The following TNFAIP8 variants were observed in gnomAD, a reference collection of about 807,000 sequenced individuals.
TNFAIP8 encodes tumor necrosis factor alpha-induced protein 8.
Under a neutral mutation model 13.3 loss-of-function variants are expected in TNFAIP8, and 7 were observed. The observed-to-expected ratio is 0.52, with a 90% CI of 0.30 to 0.99. The LOEUF is 0.99. Ranked by LOEUF, TNFAIP8 falls within the 50% of genes least tolerant of loss-of-function variation. The probability of loss-of-function intolerance (pLI) is 0.07; values close to 1 mark genes in which losing one functional copy is unlikely to be tolerated. For missense variants in TNFAIP8, 258 were observed against 236.9 expected (o/e 1.09, Z -0.58); for synonymous variants, 94 against 87.6 (o/e 1.07, Z -0.41).
At chr5:119,369,161 C>T (rs1227753618) in intron 1 of TNFAIP8, among the ~76,000 whole-genome samples, 1 of 149,520 alleles carries the variant, frequency 6.7e-6, no homozygotes, top group Non-Finnish European at 1.5e-5. Flanking sequence ...TCAAGTGATT[C>T]TCCTCCCTCA....
At chr5:119,371,714 C>T (rs1231447556) in intron 1 of TNFAIP8, among the ~76,000 whole-genome samples, 1 of 152,190 alleles carries the variant, frequency 6.6e-6, no homozygotes, top group Non-Finnish European at 1.5e-5. Flanking sequence ...ATACTTTCTG[C>T]CTTTTGTAGC....
chr5:119,352,716 CTTTGAACAGCTTTA>C (rs1474044280), upstream of TNFAIP8, among the ~76,000 whole-genome samples: 1 of 152,180 alleles, frequency 6.6e-6, no homozygotes, highest in Non-Finnish European at 1.5e-5. Flanking sequence ...AAAAAAAACT[CTTTGAACAGCTTTA>C]TTTAAGGCAT....
Position 119,336,795 on chromosome 5 carries a change from T to C in TNFAIP8, c.2-56021T>C, listed in dbSNP as rs368853207. On this transcript the variant is annotated intron_variant, in intron 1 of 1. Coordinates refer to the TNFAIP8 transcript ENST00000274456. ...CACCCTGAAAGTTGGTAAGACTGAA[T>C]ATTAAATGTTATTTAAAATGAATTT... Among the ~76,000 whole-genome samples, 5 of 152,244 alleles carry C rather than the reference T, an allele frequency of 3.3e-5. No homozygotes were observed. The East Asian group carries it at 5.8e-4, about 18-fold the overall frequency.
chr5:119,368,890 C>A (rs1437375775), intron 1 of TNFAIP8, among the ~76,000 whole-genome samples: 4 of 151,982 alleles, frequency 2.6e-5, no homozygotes, highest in Non-Finnish European at 5.9e-5. Flanking sequence ...TGGGAGCAGG[C>A]CTGAGTAGCC....
At chr5:119,368,876 A>G (rs547996690) in intron 1 of TNFAIP8, among the ~76,000 whole-genome samples, 2 of 152,166 alleles carry the variant, frequency 1.3e-5, no homozygotes, top group East Asian at 3.9e-4. Flanking sequence ...CTCTTCTTTC[A>G]TGATGGGAGC....
chr5:119,365,438 G>T lies in TNFAIP8; in HGVS notation c.31+9317G>T, dbSNP rs1330125148. Among the ~76,000 whole-genome samples, 3 of 152,300 alleles carry T rather than the reference G, an allele frequency of 2.0e-5. No individual in the cohort carries two copies. The East Asian group carries it at 5.8e-4, about 29-fold the overall frequency. ...AAATATGCTAGATGGCTTATTCCTT[G>T]TGAGAACCAATGAGATAATGTTAGT... On this transcript the variant is annotated intron_variant, in intron 1 of 1. Transcript: ENST00000504771.
intron 1 of TNFAIP8, among the ~76,000 whole-genome samples, chr5:119,291,077 C>T (rs973903031): frequency 6.6e-6 from 1 of 152,194 alleles, no homozygotes; most frequent in Non-Finnish European, 1.5e-5. Flanking sequence ...GTGCCCTTCT[C>T]GTTTGTTTCC....
chr5:119,374,711 C>T (rs764051298), intron 1 of TNFAIP8, among the ~76,000 whole-genome samples: 4 of 152,096 alleles, frequency 2.6e-5, no homozygotes, highest in South Asian at 4.1e-4. Context: ...CATATGCCTA[C>T]GGGAGCCAGG....
chr5:119,275,013 ATTTTT>A (rs5870846), intron 1 of TNFAIP8, among the ~76,000 whole-genome samples: 1 of 142,740 alleles, frequency 7.0e-6, no homozygotes, highest in Non-Finnish European at 1.5e-5. Context: ...TTTTTTTTTA[ATTTTT>A]TTTTTTTTTT....
chr5:119,342,377 G>A lies in TNFAIP8; in HGVS notation c.2-50439G>A, dbSNP rs923748776. On this transcript the variant is annotated intron_variant, in intron 1 of 1. Transcript: ENST00000274456. ...TATTCAGACCCATGTCAGAGTCCACGAAAATTCTTGCAAATGTGTTTTTGT... is the reference window on the plus strand; with the variant it reads ...TATTCAGACCCATGTCAGAGTCCACAAAAATTCTTGCAAATGTGTTTTTGT... 5.3e-5 allele frequency among the ~76,000 whole-genome samples: 8 copies of A among 152,178 alleles called. No homozygotes were observed. The East Asian group carries it at 5.8e-4, about 11-fold the overall frequency.
chr5:119,270,774 T>C (rs1439585081), intron 1 of TNFAIP8, among the ~76,000 whole-genome samples: 1 of 152,210 alleles, frequency 6.6e-6, no homozygotes, highest in Non-Finnish European at 1.5e-5. Context: ...GCTCTTTGGA[T>C]TGACATATGT....
rs113629276 is a variant in TNFAIP8, at chr5:119,280,037, C to G, written c.1+11130C>G. ...CTGATATGCCTAGATTTTCTTAATG[C>G]TTTTTTAATACTTTTATTGTAAAAC... On this transcript the variant is annotated intron_variant, in intron 1 of 1. Transcript: ENST00000274456. 3.3e-3 allele frequency among the ~76,000 whole-genome samples: 496 copies of G among 152,230 alleles called. 2 individuals are homozygous for G. Among genetic ancestry groups the G allele is most frequent in the African/African-American group, 0.011 (471 of 41,520 alleles).
chr5:119,271,358 G>C (rs771094742), intron 1 of TNFAIP8, among the ~76,000 whole-genome samples: 1 of 152,160 alleles, frequency 6.6e-6, no homozygotes, highest in Non-Finnish European at 1.5e-5. Flanking sequence ...CACTGCAGAG[G>C]TCTCATATTT....
At chr5:119,271,436 T>C (rs1748288926) in intron 1 of TNFAIP8, among the ~76,000 whole-genome samples, 1 of 152,200 alleles carries the variant, frequency 6.6e-6, no homozygotes, top group Non-Finnish European at 1.5e-5. Context: ...TCCTGGAGAT[T>C]TCATTCATTC....
chr5:119,341,800 TA>T (rs1421522760), intron 1 of TNFAIP8, among the ~76,000 whole-genome samples: 19 of 152,150 alleles, frequency 1.2e-4, no homozygotes, highest in Non-Finnish European at 2.9e-5. Flanking sequence ...TTACATCATT[TA>T]AAAAAATTTG....
In TNFAIP8 at chr5:119,358,455, T is replaced by G. The variant is rs139759078; in HGVS notation, c.31+2334T>G. Among the ~76,000 whole-genome samples, 596 of 152,340 alleles carry G rather than the reference T, an allele frequency of 3.9e-3. 3 individuals carry two copies. The highest frequency in any genetic ancestry group is 0.014 in the African/African-American group (581 of 41,574). On this transcript the variant is annotated intron_variant, in intron 1 of 1. Transcript: ENST00000504771. ...CCATCTCCTAAATAATTGATTTAAT[T>G]TTTCCTGCTTAACAATGAATAAGTG...
chr5:119,369,468 G>T (rs1299299569), intron 1 of TNFAIP8, among the ~76,000 whole-genome samples: 1 of 152,208 alleles, frequency 6.6e-6, no homozygotes, highest in African/African-American at 2.4e-5. Context: ...TAGTTTTTAT[G>T]ATGATGGGCA....
At chr5:119,270,499 T>G (rs1657824710) in intron 1 of TNFAIP8, among the ~76,000 whole-genome samples, 2 of 152,198 alleles carry the variant, frequency 1.3e-5, no homozygotes, top group Non-Finnish European at 2.9e-5. Context: ...TGGGCTCAAG[T>G]GATCCTCCTG....
At chr5:119,391,489 G>A (rs1378964321) in intron 1 of TNFAIP8, 2 of 696,134 alleles carry the variant, frequency 2.9e-6, no homozygotes, top group African/African-American at 3.5e-5. Flanking sequence ...GCCAGGTGCG[G>A]TGGCTCATGC....
Sources: allele counts gnomAD v4.1 joint callset (sites outside exome capture counted in the v4.1 genomes callset), GRCh38; gene constraint gnomAD v4.1.1; transcripts MANE v1.5; gene names NCBI Gene and HGNC (gene_info 2026-07-23, HGNC 2026-07-21).